Variants in GPC5 observed in about 807,000 individuals in gnomAD.
GPC5 encodes the protein glypican-5.
In GPC5, 47 loss-of-function variants were observed where a neutral mutation model predicts 53.9. The ratio of observed to expected loss-of-function variants is 0.87; its 90% CI spans 0.69 to 1.11. The LOEUF (loss-of-function observed/expected upper bound fraction) is 1.11. Among genes scored for constraint, GPC5 ranks in the 50% most tolerant of loss-of-function variants. The pLI, the probability that GPC5 is intolerant of heterozygous loss-of-function variation, is 0.00. For synonymous variants in GPC5, 286 were observed against 263.3 expected, an observed-to-expected ratio of 1.09 and a Z score of -0.84; for missense variants, 748 against 713.1, an observed-to-expected ratio of 1.05 and a Z score of -0.56.
chr13:91,510,844 A>G (rs1885196810), intron 2 of GPC5, among the ~76,000 whole-genome samples: 1 of 152,024 alleles, frequency 6.6e-6, no homozygotes, highest in African/African-American at 2.4e-5. Context: ...TTATTAACTA[A>G]TTTTATTTTG....
At chr13:91,888,957 CA>C (rs980888058) in intron 5 of GPC5, among the ~76,000 whole-genome samples, 4 of 152,090 alleles carry the variant, frequency 2.6e-5, no homozygotes, top group African/African-American at 9.7e-5. Flanking sequence ...AGAAGAATGT[CA>C]GAAAGGTCAT....
intron 4 of GPC5, among the ~76,000 whole-genome samples, chr13:91,755,492 A>G (rs1372854784): frequency 6.6e-6 from 1 of 152,058 alleles, no homozygotes; most frequent in Non-Finnish European, 1.5e-5. Context: ...GGCCTTTAGG[A>G]CTTGGCCTTG....
At chr13:92,181,320 G>A (rs910452304) in intron 7 of GPC5, among the ~76,000 whole-genome samples, 1 of 152,006 alleles carries the variant, frequency 6.6e-6, no homozygotes, top group Admixed American at 6.6e-5. Flanking sequence ...ACCCAAACAA[G>A]GTACTATCAC....
chr13:92,656,806 T>A (rs948203415), intron 7 of GPC5, among the ~76,000 whole-genome samples: 6 of 152,128 alleles, frequency 3.9e-5, no homozygotes, highest in Admixed American at 3.9e-4. Flanking sequence ...AAACAAAACG[T>A]ATCCATGCAT....
At chr13:92,773,249 T>C (rs1465937072) in intron 7 of GPC5, among the ~76,000 whole-genome samples, 2 of 152,218 alleles carry the variant, frequency 1.3e-5, no homozygotes, top group African/African-American at 4.8e-5. Context: ...ATGTCCTATA[T>C]CCACTTCCAT....
intron 7 of GPC5, among the ~76,000 whole-genome samples, chr13:92,631,180 ATGC>A (rs2139132005): frequency 6.6e-6 from 1 of 152,196 alleles, no homozygotes; most frequent in African/African-American, 2.4e-5. Flanking sequence ...AAATGAGAAA[ATGC>A]TTGTCAATGT....
rs961617713 is a variant in GPC5 at position 92,866,223 on chromosome 13, T to C, written c.1562-59T>C. On this transcript the variant is annotated intron_variant, in intron 7 of 7. Transcript: ENST00000377067. ...CACACTTTGAGTTTAAGAGTTGTTCTAGACGTATTATGGTGAAGTGGTCAT... is the reference window on the plus strand; with the variant it reads ...CACACTTTGAGTTTAAGAGTTGTTCCAGACGTATTATGGTGAAGTGGTCAT... The C allele has an allele frequency of 6.5e-5, 96 of 1,486,254 alleles. 1 individual carries two copies. The highest frequency in any genetic ancestry group is 2.5e-4 in the Admixed American group (13 of 51,756). 92.1% of individuals were successfully genotyped at this position (1,486,254 alleles called of 1,614,324 possible). A position where few individuals can be genotyped will look rare whatever the true frequency, so the allele number is the denominator to read the frequency against.
At chr13:92,151,547 T>C (rs919986073) in intron 7 of GPC5, among the ~76,000 whole-genome samples, 3 of 152,192 alleles carry the variant, frequency 2.0e-5, no homozygotes, top group African/African-American at 7.2e-5. Flanking sequence ...TAATGGTGGC[T>C]GATTCTGTAT....
At chr13:92,118,118 A>G (rs2041615633) in intron 6 of GPC5, among the ~76,000 whole-genome samples, 1 of 152,092 alleles carries the variant, frequency 6.6e-6, no homozygotes, top group Non-Finnish European at 1.5e-5. Context: ...GATGCCCTGT[A>G]TCAGGTTAAG....
chr13:91,753,823 C>T (rs995022094), intron 4 of GPC5, among the ~76,000 whole-genome samples: 1 of 152,090 alleles, frequency 6.6e-6, no homozygotes, highest in Admixed American at 6.6e-5. Context: ...GAAATACTGC[C>T]TTGTTTTGTA....
intron 2 of GPC5, among the ~76,000 whole-genome samples, chr13:91,584,316 C>G (rs892429786): frequency 6.6e-6 from 1 of 151,956 alleles, no homozygotes; most frequent in Admixed American, 6.6e-5. Context: ...GAAATACATT[C>G]AAAAACATAT....
At chr13:91,510,827 A>C (rs9301734) in intron 2 of GPC5, among the ~76,000 whole-genome samples, 86,330 of 151,918 alleles carry the variant, frequency 0.57, 27,937 homozygotes, top group Non-Finnish European at 0.72. Flanking sequence ...TAACTTTTTC[A>C]GTTGTTTTAT....
At chr13:91,965,087 G>A (rs2040167876) in intron 6 of GPC5, among the ~76,000 whole-genome samples, 1 of 116,232 alleles carries the variant, frequency 8.6e-6, no homozygotes, top group East Asian at 3.1e-4. Context: ...CTGTCATGGG[G>A]TGGGGGGAGG....
intron 7 of GPC5, among the ~76,000 whole-genome samples, chr13:92,269,760 G>A (rs35051610): frequency 0.012 from 1,836 of 152,218 alleles, 36 homozygotes; most frequent in Middle Eastern, 0.044. Flanking sequence ...GAGTCTTCTC[G>A]TCTTGTGGAA....
At chr13:92,147,018 A>G (rs145541140) in intron 7 of GPC5, among the ~76,000 whole-genome samples, 198 of 152,208 alleles carry the variant, frequency 1.3e-3, no homozygotes, top group Non-Finnish European at 2.6e-3. Flanking sequence ...TTGATAAATG[A>G]CGTGACGTGA....
chr13:92,704,430 T>G (rs1220498113), intron 7 of GPC5, among the ~76,000 whole-genome samples: 1 of 152,000 alleles, frequency 6.6e-6, no homozygotes, highest in Non-Finnish European at 1.5e-5. Context: ...AAAATTATGT[T>G]TATTAAAAGC....
intron 6 of GPC5, among the ~76,000 whole-genome samples, chr13:92,047,806 T>TAAAAAAAAAAA (rs35020183): frequency 2.0e-5 from 2 of 98,808 alleles, no homozygotes; most frequent in African/African-American, 4.2e-5. Context: ...CTGTCTCTAC[T>TAAAAAAAAAAA]AAAAAAAAAA....
At chr13:91,483,848 A>C (rs180730025) in intron 2 of GPC5, among the ~76,000 whole-genome samples, 1 of 152,328 alleles carries the variant, frequency 6.6e-6, no homozygotes, top group East Asian at 1.9e-4. Flanking sequence ...ATTGTGAACA[A>C]AACAGAATTA....
At chr13:91,847,995 T>C (rs1566301464) in intron 5 of GPC5, among the ~76,000 whole-genome samples, 1 of 152,220 alleles carries the variant, frequency 6.6e-6, no homozygotes, top group Non-Finnish European at 1.5e-5. Context: ...GGTATTGATG[T>C]GGCTCTTGGC....
Sources: gnomAD v4.1 joint callset for allele counts (sites outside exome capture counted in the v4.1 genomes callset) on GRCh38, gnomAD v4.1.1 for gene constraint, MANE v1.5 for transcripts, NCBI Gene and HGNC (gene_info 2026-07-23, HGNC 2026-07-21) for gene names.